EGFL7: variants seen among roughly 807,000 people sequenced by gnomAD.
EGFL7 encodes epidermal growth factor-like protein 7.
A neutral mutation model predicts 37.1 loss-of-function variants in EGFL7; 48 were observed. That is an observed-to-expected ratio of 1.29 (90% CI 1.03 to 1.65). The LOEUF is 1.65. EGFL7 is among the 40% of genes most tolerant of loss of function. The pLI is 0.00. For synonymous variants in EGFL7, 180 were observed against 156.8 expected (o/e 1.15, Z -1.10); for missense variants, 384 against 378.9 (o/e 1.01, Z -0.11).
In EGFL7 at chr9:136,671,995, C is replaced by A; in HGVS notation, c.706C>A (p.Pro236Thr). ...GGCACTGGAGCATGGGCTCCCGGAC[C>A]CCGGCAGCCTCCTGGTGCACTCCTT... ...SQALEHGLPD[P>T]GSLLVHSFQQ... Residue 236 changes from proline (P) to threonine (T), a missense_variant, in exon 10 of 11, where the codon CCC becomes ACC. Pro to Thr is a conservative substitution (Grantham distance 38, BLOSUM62 -1). Transcript: ENST00000308874. 1 of 1,543,224 alleles carries A rather than the reference C, an allele frequency of 6.5e-7. No homozygotes were observed. Among genetic ancestry groups the A allele is most frequent in the Non-Finnish European group, 8.7e-7 (1 of 1,146,668 alleles).
intron 9 of EGFL7, 79 bp downstream of exon 9, chr9:136,671,093 G>A: frequency 8.4e-7 from 1 of 1,186,050 alleles, no homozygotes; most frequent in Non-Finnish European, 1.2e-6. Flanking sequence ...GGAGGGGCAG[G>A]CAGTCCAGGG....
chr9:136,662,913 G>A (rs1016067670), upstream of EGFL7: 2 of 152,336 alleles, frequency 1.3e-5, no homozygotes, highest in African/African-American at 4.8e-5. Flanking sequence ...TCCTCGCCCG[G>A]GGGGAGCCTC....
chr9:136,661,368 G>A (rs1453546069), upstream of EGFL7, among the ~76,000 whole-genome samples: 1 of 152,160 alleles, frequency 6.6e-6, no homozygotes. Flanking sequence ...GCCGAGGGAG[G>A]CACAGGGCGG....
rs549004636 is a variant in EGFL7, at chr9:136,670,118, G to A, written c.410-51G>A. ...TGGGTGGTTGTGAAGGGAGCTGTGT[G>A]GGCAGGACCCCTCCCGCAGGCATGG... On this transcript the variant is annotated intron_variant, in intron 7 of 10. Coordinates refer to ENST00000308874, the MANE Select transcript of EGFL7 (RefSeq NM_016215.5). 5.1e-5 allele frequency: 82 copies of A among 1,610,716 alleles called. No homozygotes were observed. The South Asian group carries it at 8.8e-4, about 17-fold the overall frequency.
chr9:136,668,273 G>A lies in EGFL7; in HGVS notation c.-10G>A, dbSNP rs1845604624. The stretch of plus-strand genomic sequence containing the variant: ...AGAGGAGAAGGCCACCCCGCCTGGA[G>A]GCACAGGCCATGAGGGGCTCTCAGG... On this transcript the variant is annotated 5_prime_UTR_variant, in exon 4 of 11. Coordinates refer to ENST00000308874, the MANE Select transcript of EGFL7 (RefSeq NM_016215.5). 2 of 1,601,044 alleles carry A rather than the reference G, an allele frequency of 1.2e-6. No homozygotes were observed. The highest frequency in any genetic ancestry group is 1.1e-5 in the South Asian group (1 of 89,040).
At chr9:136,668,757 T>G (rs945859259) in intron 5 of EGFL7, 84 bp downstream of exon 5, 1 of 1,206,142 alleles carries the variant, frequency 8.3e-7, no homozygotes, top group Admixed American at 1.7e-5. Context: ...GAGGCGGGGG[T>G]GAATCCTGGG....
Position 136,668,616 on chromosome 9 carries a change from G to T in EGFL7, c.140G>T (p.Arg47Leu), listed in dbSNP as rs374275228. The change falls in exon 5 of 11, where the codon CGT becomes CTT. Residue 47 changes from arginine to leucine, a missense_variant. Arg to Leu is a moderately radical substitution (Grantham distance 102). Coordinates refer to ENST00000308874, the MANE Select transcript of EGFL7 (RefSeq NM_016215.5). ...GDPVSESFVQ[R>L]VYQPFLTTCD... ...CCTGTCTCCGAGTCGTTCGTGCAGC[G>T]TGTGTACCAGCCCTTCCTCACCACC... 6.2e-7 allele frequency: 1 copy of T among 1,607,672 alleles called. No homozygotes were observed. The highest frequency in any genetic ancestry group is 8.5e-7 in the Non-Finnish European group (1 of 1,179,766).
Position 136,670,997 on chromosome 9 carries a change from G to A in EGFL7, c.619G>A (p.Val207Met). The stretch of plus-strand genomic sequence containing the variant: ...AGAAGTGCAGAGGCTGCAGTCCAGG[G>A]TGGACCTGCTGGAGGAGGTGAGGCA... The part of the protein sequence containing the change: ...KEEVQRLQSR[V>M]DLLEEKLQLV... The change falls in exon 9 of 11, where the codon GTG becomes ATG. Residue 207 changes from valine to methionine, a missense_variant. Physicochemically the swap from Val to Met is conservative, Grantham distance 21. Coordinates refer to ENST00000308874, the MANE Select transcript of EGFL7 (RefSeq NM_016215.5). 2 of 1,482,386 alleles carry A rather than the reference G, an allele frequency of 1.3e-6. No individual in the cohort carries two copies. Among genetic ancestry groups the A allele is most frequent in the East Asian group, 2.8e-5 (1 of 35,440 alleles). 91.8% of individuals were successfully genotyped at this position (1,482,386 alleles called of 1,614,324 possible). A position where few individuals can be genotyped will look rare whatever the true frequency, so the allele number is the denominator to read the frequency against.
At chr9:136,670,724 T>C in intron 8 of EGFL7, 1 of 757,570 alleles carries the variant, frequency 1.3e-6, no homozygotes, top group South Asian at 1.4e-5. Flanking sequence ...AGCCTTGACC[T>C]CCCTCAGCGT....
rs929474088 is a variant in EGFL7, at chr9:136,666,414, A to G, written c.-43+1629A>G. On this transcript the variant is annotated intron_variant, in intron 3 of 10. Coordinates refer to ENST00000308874, the MANE Select transcript of EGFL7 (RefSeq NM_016215.5). The surrounding 1 kb of genome is among the most constrained non-coding windows in gnomAD (Gnocchi z 6.8). Reference sequence around the variant, plus strand: ...GAGGGAGCCCGTGGGCGCTGGGGGCACGGGGACCGGACTGCTGGTCCACCT... The same window carrying G: ...GAGGGAGCCCGTGGGCGCTGGGGGCGCGGGGACCGGACTGCTGGTCCACCT... Among the ~76,000 whole-genome samples, 1 of 151,724 alleles carries G rather than the reference A, an allele frequency of 6.6e-6. No homozygotes were observed. Among genetic ancestry groups the G allele is most frequent in the African/African-American group, 2.4e-5 (1 of 41,328 alleles).
intron 8 of EGFL7, 65 bp downstream of exon 8, chr9:136,670,395 G>A (rs768611685): frequency 6.8e-7 from 1 of 1,477,312 alleles, no homozygotes; most frequent in Non-Finnish European, 9.1e-7. Context: ...CCGTGTGGCT[G>A]TTAGGCATGG....
In EGFL7 at chr9:136,666,777, G is replaced by A. The variant is rs1245944457; in HGVS notation, c.-42-1464G>A. ...CGGGTCCCACTCCCCAATGTCCCCC[G>A]ACTTCGAGTCTTGCCTTGAGGTCGC... On this transcript the variant is annotated intron_variant, in intron 3 of 10. Coordinates refer to ENST00000308874, the MANE Select transcript of EGFL7 (RefSeq NM_016215.5). The surrounding 1 kb of genome is among the most constrained non-coding windows in gnomAD (Gnocchi z 6.8). Among the ~76,000 whole-genome samples the A allele has an allele frequency of 6.6e-6, 1 of 151,878 alleles. No individual in the cohort carries two copies. Among genetic ancestry groups the A allele is most frequent in the Non-Finnish European group, 1.5e-5 (1 of 67,976 alleles).
chr9:136,661,587 G>T (rs1845151316), upstream of EGFL7, among the ~76,000 whole-genome samples: 1 of 152,224 alleles, frequency 6.6e-6, no homozygotes. Flanking sequence ...GCAGAAACAG[G>T]CCCGGAGAAG....
At chr9:136,670,515 A>T (rs1399852768) in intron 8 of EGFL7, 185 bp downstream of exon 8, 12 of 851,402 alleles carry the variant, frequency 1.4e-5, no homozygotes, top group Non-Finnish European at 1.6e-5. Flanking sequence ...GGTTGCCCGG[A>T]GCCTCATATC....
chr9:136,667,546 G>A (rs1845552771), intron 3 of EGFL7, among the ~76,000 whole-genome samples: 1 of 152,192 alleles, frequency 6.6e-6, no homozygotes, highest in African/African-American at 2.4e-5. Flanking sequence ...CGGTGACACT[G>A]TCGGGGGCTG....
At chr9:136,667,641 G>A (rs1845558210) in intron 3 of EGFL7, among the ~76,000 whole-genome samples, 1 of 152,224 alleles carries the variant, frequency 6.6e-6, no homozygotes, top group Non-Finnish European at 1.5e-5. Flanking sequence ...AGCCTGGGAA[G>A]GACCCCCTCT....
intron 10 of EGFL7, 65 bp from the exon 11 acceptor site, chr9:136,672,199 G>C: frequency 1.9e-6 from 3 of 1,611,960 alleles, no homozygotes; most frequent in Non-Finnish European, 2.5e-6. Flanking sequence ...GGGCCAGTCA[G>C]ATCTAGCTGG....
intron 8 of EGFL7, 47 bp from the exon 9 acceptor site, chr9:136,670,903 G>A (rs1034762885): frequency 4.6e-6 from 7 of 1,527,264 alleles, no homozygotes; most frequent in Non-Finnish European, 5.3e-6. Flanking sequence ...TGGGGGTGTG[G>A]GTGGGGAGCC....
upstream of EGFL7, chr9:136,660,403 C>CA (rs2119059029): frequency 6.6e-6 from 1 of 152,502 alleles, no homozygotes; most frequent in South Asian, 2.1e-4. Flanking sequence ...GCAAAGCTGG[C>CA]ACTCTGGGCC....
Sources: allele counts gnomAD v4.1 joint callset (sites outside exome capture counted in the v4.1 genomes callset), GRCh38; gene constraint gnomAD v4.1.1; non-coding constraint Gnocchi (gnomAD v3.1); transcripts MANE v1.5; gene names NCBI Gene and HGNC (gene_info 2026-07-23, HGNC 2026-07-21).